The following CSMD3 variants were observed in gnomAD, a reference collection of about 807,000 sequenced individuals.
CSMD3 encodes the protein CUB and Sushi multiple domains 3, also known as CUB and sushi domain-containing protein 3.
In CSMD3, 177 loss-of-function variants were observed where a neutral mutation model predicts 435.2. The observed-to-expected ratio is 0.41, with a 90% confidence interval of 0.36 to 0.46. The LOEUF is 0.46. CSMD3 is among the 20% of genes least tolerant of loss of function. The probability of loss-of-function intolerance (pLI) is 0.34; values close to 1 mark genes in which losing one functional copy is unlikely to be tolerated. For missense variants in CSMD3, 4,265 were observed against 4,504.6 expected (o/e 0.95, Z 1.52); for synonymous variants, 1,656 against 1,520.5 (o/e 1.09, Z -2.07).
intron 38 of CSMD3, among the ~76,000 whole-genome samples, chr8:112,355,544 G>A (rs955912095): frequency 6.6e-6 from 1 of 152,096 alleles, no homozygotes; most frequent in Non-Finnish European, 1.5e-5. Flanking sequence ...CCATTAAAAA[G>A]TGGGCAAGGC....
intron 13 of CSMD3, among the ~76,000 whole-genome samples, chr8:112,776,812 T>C (rs1226829862): frequency 6.6e-6 from 1 of 151,812 alleles, no homozygotes; most frequent in Non-Finnish European, 1.5e-5. Context: ...ATATCAAGGC[T>C]GTTTGAGAAA....
chr8:112,323,067 T>C (rs1287376135), intron 45 of CSMD3, among the ~76,000 whole-genome samples: 1 of 151,982 alleles, frequency 6.6e-6, no homozygotes, highest in African/African-American at 2.4e-5. Flanking sequence ...CATTGAAATA[T>C]AGGCAAGATC....
At chr8:113,428,922 T>TA (rs1385675054) in intron 1 of CSMD3, among the ~76,000 whole-genome samples, 1 of 151,906 alleles carries the variant, frequency 6.6e-6, no homozygotes, top group Non-Finnish European at 1.5e-5. Flanking sequence ...TCCTCCCTAT[T>TA]ATTTTAAACT....
chr8:112,352,511 C>T lies in CSMD3; in HGVS notation c.6160G>A (p.Glu2054Lys), dbSNP rs1826223412. 2 of 1,613,432 alleles carry T rather than the reference C, an allele frequency of 1.2e-6. No individual in the cohort carries two copies. The highest frequency in any genetic ancestry group is 1.7e-6 in the Non-Finnish European group (2 of 1,179,630). Residue 2054 changes from glutamate (E) to lysine (K), a missense_variant, in exon 39 of 71, where the codon GAA becomes AAA. Physicochemically the swap from Glu to Lys is moderately conservative, Grantham distance 56. Around this residue, in one of 3 missense-constraint regions of CSMD3, gnomAD observed 3,255 missense variants for 3,380.2 expected, o/e 0.96. Transcript: ENST00000297405. ...ATTCCACTGCTAGGAGTTTGTGGTT[C>T]AGGACAGGAATCCAAACCAATTGCT... ...YTAIGLDSCP[E>K]PQTPSSGIKI...
At chr8:113,236,510 CTG>C (rs945229810) in intron 3 of CSMD3, among the ~76,000 whole-genome samples, 133 of 151,902 alleles carry the variant, frequency 8.8e-4, no homozygotes, top group African/African-American at 2.9e-3. Context: ...ATAGTGCTCT[CTG>C]TCTCTCTCTA....
At chr8:113,107,748 T>G (rs2090523614) in intron 4 of CSMD3, among the ~76,000 whole-genome samples, 1 of 152,214 alleles carries the variant, frequency 6.6e-6, no homozygotes, top group Non-Finnish European at 1.5e-5. Flanking sequence ...TTGGGCAGCT[T>G]CAATGGCTAT....
At chr8:112,378,965 T>TA (rs922125916) in intron 38 of CSMD3, among the ~76,000 whole-genome samples, 6 of 151,878 alleles carry the variant, frequency 4.0e-5, no homozygotes, top group South Asian at 4.2e-4. Context: ...GAGATTCCAT[T>TA]AAAAAAAACT....
At chr8:113,399,312 A>C (rs1410999791) in intron 1 of CSMD3, among the ~76,000 whole-genome samples, 1 of 151,434 alleles carries the variant, frequency 6.6e-6, no homozygotes, top group African/African-American at 2.4e-5. Context: ...AAACAATTCA[A>C]CTCCTAACTA....
chr8:112,953,481 A>C (rs1334362710), intron 8 of CSMD3, among the ~76,000 whole-genome samples: 1 of 151,468 alleles, frequency 6.6e-6, no homozygotes, highest in Non-Finnish European at 1.5e-5. Context: ...ATACAACCAA[A>C]CCCTTTGAAA....
intron 3 of CSMD3, among the ~76,000 whole-genome samples, chr8:113,248,819 T>C (rs1480608142): frequency 6.6e-6 from 1 of 152,018 alleles, no homozygotes; most frequent in Non-Finnish European, 1.5e-5. Flanking sequence ...TCTGGTATGA[T>C]GTTCAAGAAA....
At chr8:112,730,165 C>G (rs1363628279) in intron 13 of CSMD3, among the ~76,000 whole-genome samples, 2 of 151,844 alleles carry the variant, frequency 1.3e-5, no homozygotes, top group East Asian at 1.9e-4. Flanking sequence ...TAATGAAAGA[C>G]TAAACAAGGA....
At chr8:113,031,116 T>C (rs918659156) in intron 5 of CSMD3, among the ~76,000 whole-genome samples, 1 of 151,670 alleles carries the variant, frequency 6.6e-6, no homozygotes, top group Admixed American at 6.6e-5. Flanking sequence ...GCACTTGCCA[T>C]GCAATTCTGA....
At chr8:113,115,995 T>G (rs1451118996) in intron 4 of CSMD3, among the ~76,000 whole-genome samples, 2 of 152,162 alleles carry the variant, frequency 1.3e-5, no homozygotes, top group Non-Finnish European at 2.9e-5. Flanking sequence ...AATCTGAAAG[T>G]AGTCCTTCAC....
At position 112,482,689 on chromosome 8, in the gene CSMD3, AC is replaced by A. The variant is rs201758577; in HGVS notation, c.5278+9799del. Among the ~76,000 whole-genome samples the A allele has an allele frequency of 8.5e-4, 130 of 152,232 alleles. No individual in the cohort carries two copies. The East Asian group carries it at 0.021, about 25-fold the overall frequency. ...GTCTTACTGCTTTTTAATGATGAAA[AC>A]CTTTTACTATTTAAAGAAATTACTT... On this transcript the variant is annotated intron_variant, in intron 31 of 70. Coordinates refer to ENST00000297405, the MANE Select transcript of CSMD3 (RefSeq NM_198123.2).
intron 10 of CSMD3, among the ~76,000 whole-genome samples, chr8:112,897,905 A>G (rs959437096): frequency 5.6e-4 from 84 of 151,336 alleles, no homozygotes; most frequent in African/African-American, 1.8e-3. Flanking sequence ...TTTTATTATT[A>G]TTGTTGTTAT....
intron 10 of CSMD3, among the ~76,000 whole-genome samples, chr8:112,892,092 C>A (rs1341512520): frequency 6.6e-6 from 1 of 151,422 alleles, no homozygotes; most frequent in Non-Finnish European, 1.5e-5. Context: ...TATTAGAAAT[C>A]CATGTATTTG....
At chr8:113,391,284 T>C (rs2094460176) in intron 1 of CSMD3, among the ~76,000 whole-genome samples, 1 of 152,036 alleles carries the variant, frequency 6.6e-6, no homozygotes, top group South Asian at 2.1e-4. Context: ...TTTCAAGTAG[T>C]CAGATACTCT....
chr8:112,267,988 C>T (rs982883047), intron 59 of CSMD3, among the ~76,000 whole-genome samples: 1 of 151,984 alleles, frequency 6.6e-6, no homozygotes, highest in Non-Finnish European at 1.5e-5. Context: ...AATAGTAGCT[C>T]TTTAGTGCTT....
intron 32 of CSMD3, among the ~76,000 whole-genome samples, chr8:112,415,434 T>G (rs978138894): frequency 2.0e-5 from 3 of 152,188 alleles, no homozygotes; most frequent in African/African-American, 7.2e-5. Context: ...TGGAAATGTC[T>G]GGATGTCCAG....
Sources: allele counts gnomAD v4.1 joint callset (sites outside exome capture counted in the v4.1 genomes callset), GRCh38; gene constraint gnomAD v4.1.1; regional missense constraint gnomAD v4.1.1; transcripts MANE v1.5; gene names NCBI Gene and HGNC (gene_info 2026-07-23, HGNC 2026-07-21).